Variants in RBM25 observed in about 807,000 individuals in gnomAD.
RBM25 encodes RNA-binding protein 25.
RBM25 carries 19 observed loss-of-function variants against 120.7 expected under a neutral mutation model. The observed-to-expected ratio is 0.16, with a 90% CI of 0.11 to 0.23. The LOEUF (loss-of-function observed/expected upper bound fraction) is 0.23, where lower values mean the gene tolerates loss of function less well. Among genes scored for constraint, RBM25 ranks in the 10% least tolerant of loss-of-function variants. RBM25 has a pLI of 1.00. For missense variants in RBM25, 605 were observed against 1,041.5 expected (o/e 0.58, Z 5.77); for synonymous variants, 390 against 326.7 (o/e 1.19, Z -2.09).
At chr14:73,078,559 T>C (rs1895479824) in intron 4 of RBM25, among the ~76,000 whole-genome samples, 1 of 152,148 alleles carries the variant, frequency 6.6e-6, no homozygotes, top group East Asian at 1.9e-4. Flanking sequence ...TTCCCAGTAA[T>C]GGCCATAATA....
At chr14:73,068,075 A>G in intron 1 of RBM25, 1 of 565,416 alleles carries the variant, frequency 1.8e-6, no homozygotes. Context: ...AGTGATCACT[A>G]AGCACATGAG....
At chr14:73,103,901 GTCTGTCTCTCTC>G (rs1566597210) in intron 10 of RBM25, among the ~76,000 whole-genome samples, 1 of 71,554 alleles carries the variant, frequency 1.4e-5, no homozygotes, top group Non-Finnish European at 2.7e-5. Flanking sequence ...CTGTCTGTCT[GTCTGTCTCTCTC>G]TCTCTCTCTC....
chr14:73,103,909 C>G (rs10133335), intron 10 of RBM25, among the ~76,000 whole-genome samples: 3,353 of 71,096 alleles, frequency 0.047, 107 homozygotes, highest in African/African-American at 0.12. Context: ...CTGTCTGTCT[C>G]TCTCTCTCTC....
chr14:73,073,792 C>T (rs913034589), intron 2 of RBM25, among the ~76,000 whole-genome samples: 5 of 152,146 alleles, frequency 3.3e-5, no homozygotes, highest in Admixed American at 6.6e-5. Flanking sequence ...AGTGGAGCTG[C>T]TTTACGCTGT....
rs543603102 is a variant in RBM25 at position 73,059,718 on chromosome 14, C to G, written c.-16+1013C>G. On this transcript the variant is annotated intron_variant, in intron 1 of 18. Coordinates refer to ENST00000261973, the MANE Select transcript of RBM25 (RefSeq NM_021239.3). ...GCTATTTCCAAAAACATTCAGAGGA[C>G]TTGAAAGGGATTAAGTTGGTCATAA... Among the ~76,000 whole-genome samples, 14 of 152,252 alleles carry G rather than the reference C, an allele frequency of 9.2e-5. No individual in the cohort carries two copies. In the East Asian group the frequency reaches 2.7e-3, roughly 29 times the overall value.
chr14:73,111,410 G>T, intron 15 of RBM25, 118 bp from the exon 16 acceptor site: 2 of 1,180,520 alleles, frequency 1.7e-6, no homozygotes, highest in Middle Eastern at 2.5e-4. Context: ...TTTTACAGTT[G>T]GGATCTTTCT....
At chr14:73,073,601 T>A (rs1225324329) in intron 2 of RBM25, among the ~76,000 whole-genome samples, 1 of 152,164 alleles carries the variant, frequency 6.6e-6, no homozygotes, top group South Asian at 2.1e-4. Flanking sequence ...GGCAGGAGAA[T>A]CGCTTGAAAC....
At chr14:73,081,375 T>C (rs1417035300) in intron 4 of RBM25, among the ~76,000 whole-genome samples, 1 of 152,210 alleles carries the variant, frequency 6.6e-6, no homozygotes, top group Non-Finnish European at 1.5e-5. Context: ...TGACCTCAAG[T>C]GATCCACCCA....
intron 9 of RBM25, chr14:73,101,153 A>C (rs1349577694): frequency 2.6e-5 from 4 of 152,198 alleles, no homozygotes. Flanking sequence ...ATGTCTTTTC[A>C]AAATAAAAAG....
At chr14:73,109,871 T>C (rs930732568) in intron 14 of RBM25, among the ~76,000 whole-genome samples, 1 of 151,982 alleles carries the variant, frequency 6.6e-6, no homozygotes, top group South Asian at 2.1e-4. Context: ...TGGCTAATTT[T>C]TGTATTTTTA....
chr14:73,109,653 T>A (rs1896264560), intron 14 of RBM25, among the ~76,000 whole-genome samples, 161 bp downstream of exon 14: 1 of 151,706 alleles, frequency 6.6e-6, no homozygotes, highest in Non-Finnish European at 1.5e-5. Context: ...ATTAGCCGGG[T>A]GTAGTGGTGG....
At chr14:73,108,684 G>T (rs1339088584) in intron 13 of RBM25, among the ~76,000 whole-genome samples, 1 of 152,138 alleles carries the variant, frequency 6.6e-6, no homozygotes, top group Non-Finnish European at 1.5e-5. Flanking sequence ...TCATAGTGAA[G>T]ATATTTAATA....
At chr14:73,070,466 T>C (rs1054592610) in intron 1 of RBM25, among the ~76,000 whole-genome samples, 3 of 152,214 alleles carry the variant, frequency 2.0e-5, no homozygotes, top group African/African-American at 7.2e-5. Context: ...ATGACTTTTT[T>C]TTCTCTTGTC....
At chr14:73,060,121 C>T (rs1042993196) in intron 1 of RBM25, among the ~76,000 whole-genome samples, 1 of 152,028 alleles carries the variant, frequency 6.6e-6, no homozygotes, top group East Asian at 1.9e-4. Flanking sequence ...CCACTGCAAC[C>T]TCCGCCTCCC....
Position 73,112,105 on chromosome 14 carries a change from T to C in RBM25, c.2293-47T>C, listed in dbSNP as rs113062319. ...AATCATGAAGCTTTAATAACTGTTATAGCAAGTTACAATTCTTTAATTCAG... is the reference window on the plus strand; with the variant it reads ...AATCATGAAGCTTTAATAACTGTTACAGCAAGTTACAATTCTTTAATTCAG... On this transcript the variant is annotated intron_variant, in intron 16 of 18. Transcript: ENST00000261973. The C allele has an allele frequency of 3.7e-3, 5,556 of 1,489,702 alleles. 18 individuals carry two copies. Among genetic ancestry groups the C allele is most frequent in the Non-Finnish European group, 4.5e-3 (4,855 of 1,087,250 alleles). The allele number at this position is 1,489,702 out of a possible 1,614,324, so 92.3% of individuals were successfully genotyped here.
At chr14:73,097,397 C>T (rs972020868) in intron 7 of RBM25, among the ~76,000 whole-genome samples, 2 of 151,896 alleles carry the variant, frequency 1.3e-5, no homozygotes, top group African/African-American at 4.8e-5. Context: ...GACGGGGTTT[C>T]ACCGTGTTAG....
chr14:73,083,350 A>G, intron 4 of RBM25, 144 bp from the exon 5 acceptor site: 3 of 561,046 alleles, frequency 5.3e-6, no homozygotes, highest in Non-Finnish European at 6.1e-6. Context: ...AGTTTGTGGG[A>G]ATTGCAAAAA....
intron 1 of RBM25, chr14:73,068,290 A>G (rs568864948): frequency 1.2e-6 from 1 of 842,110 alleles, no homozygotes; most frequent in African/African-American, 1.7e-5. Context: ...TTTGTGGGTC[A>G]CTCTCTTGTG....
At chr14:73,062,682 C>A (rs1412665178) in intron 1 of RBM25, among the ~76,000 whole-genome samples, 1 of 151,402 alleles carries the variant, frequency 6.6e-6, no homozygotes, top group Non-Finnish European at 1.5e-5. Flanking sequence ...TTCAGGGTTT[C>A]TTTTTGGACC....
Sources: gnomAD v4.1 joint callset for allele counts (sites outside exome capture counted in the v4.1 genomes callset) on GRCh38, gnomAD v4.1.1 for gene constraint, MANE v1.5 for transcripts, NCBI Gene and HGNC (gene_info 2026-07-23, HGNC 2026-07-21) for gene names.